The following SLC1A7 variants were observed in gnomAD, a reference collection of about 807,000 sequenced individuals.
SLC1A7 encodes solute carrier family 1 member 7.
SLC1A7 carries 40 observed loss-of-function variants against 47.7 expected under a neutral mutation model. The observed-to-expected ratio is 0.84, with a 90% confidence interval of 0.65 to 1.09. SLC1A7 has a LOEUF of 1.09. Ranked by LOEUF, SLC1A7 falls within the 50% of genes least tolerant of loss-of-function variation. SLC1A7 has a pLI of 0.00. For synonymous variants in SLC1A7, 323 were observed against 325.6 expected, an observed-to-expected ratio of 0.99 and a Z score of 0.09; for missense variants, 746 against 769.5, an observed-to-expected ratio of 0.97 and a Z score of 0.36.
intron 5 of SLC1A7, among the ~76,000 whole-genome samples, chr1:53,100,725 C>CA (rs1644565397): frequency 6.6e-6 from 1 of 151,474 alleles, no homozygotes; most frequent in Non-Finnish European, 1.5e-5. Context: ...CATACCACCT[C>CA]GGTACACTCA....
At chr1:53,103,257 A>C (rs1443727154) in intron 5 of SLC1A7, 89 bp downstream of exon 5, 6 of 927,542 alleles carry the variant, frequency 6.5e-6, no homozygotes, top group Non-Finnish European at 8.1e-6. Flanking sequence ...CATTCTCCCC[A>C]GACCTCAGTA....
chr1:53,123,343 G>A (rs1208801011), intron 2 of SLC1A7, among the ~76,000 whole-genome samples: 1 of 152,224 alleles, frequency 6.6e-6, no homozygotes, highest in African/African-American at 2.4e-5. Flanking sequence ...CTCAGGCGGG[G>A]CCATCCTGTG....
rs145447122 is a variant in SLC1A7 at position 53,121,285 on chromosome 1, C to T, written c.216-6312G>A. Among the ~76,000 whole-genome samples, 96 of 152,248 alleles carry T rather than the reference C, an allele frequency of 6.3e-4. 1 individual carries two copies. The East Asian group carries it at 9.3e-3, about 15-fold the overall frequency. ...AGACGTGAAAAGGACGACTTGTGTGCCCAGGTGACTGAGCAGCCATTGAAG... is the reference window on the plus strand; with the variant it reads ...AGACGTGAAAAGGACGACTTGTGTGTCCAGGTGACTGAGCAGCCATTGAAG... On this transcript the variant is annotated intron_variant, in intron 2 of 10. Transcript: ENST00000371494.
At chr1:53,092,826 G>T in intron 6 of SLC1A7, 39 bp from the exon 7 acceptor site, 1 of 1,354,584 alleles carries the variant, frequency 7.4e-7, no homozygotes, top group South Asian at 1.2e-5. Flanking sequence ...GAACCAGGCA[G>T]GCAGACACAC....
chr1:53,115,701 C>T (rs1440877300), intron 2 of SLC1A7: 1 of 152,458 alleles, frequency 6.6e-6, no homozygotes, highest in Non-Finnish European at 1.5e-5. Flanking sequence ...GGATCTCCAT[C>T]TGTAAAATGG....
chr1:53,127,698 A>G (rs1644898094), intron 2 of SLC1A7, among the ~76,000 whole-genome samples: 1 of 152,196 alleles, frequency 6.6e-6, no homozygotes, highest in Non-Finnish European at 1.5e-5. Context: ...TTGATGACCT[A>G]CAGTGCTATG....
intron 3 of SLC1A7, 151 bp from the exon 4 acceptor site, chr1:53,105,925 C>A: frequency 1.5e-6 from 1 of 686,870 alleles, no homozygotes; most frequent in Non-Finnish European, 2.6e-6. Context: ...ACATCATGGA[C>A]ACTCCACAGC....
chr1:53,122,325 A>G lies in SLC1A7; in HGVS notation c.216-7352T>C, dbSNP rs1033578619. On this transcript the variant is annotated intron_variant, in intron 2 of 10. Coordinates refer to ENST00000371494, the MANE Select transcript of SLC1A7 (RefSeq NM_006671.6). ...TGAGGAGCCCCAAGCCCTGCAGCCA[A>G]GTCCTTGGGCTCTGGCCTTGGCTGA... is the stretch of plus-strand genomic sequence containing the variant. 1.1e-4 allele frequency among the ~76,000 whole-genome samples: 16 copies of G among 152,292 alleles called. No homozygotes were observed. In the East Asian group the frequency reaches 2.9e-3, roughly 28 times the overall value.
At chr1:53,140,466 T>TA (rs5774137) in intron 1 of SLC1A7, among the ~76,000 whole-genome samples, 33,500 of 147,002 alleles carry the variant, frequency 0.23, 4,147 homozygotes, top group South Asian at 0.49. Context: ...ACGTTTTGGT[T>TA]AAAAAAAAAA....
chr1:53,101,262 C>CTG (rs1644575234), intron 5 of SLC1A7, among the ~76,000 whole-genome samples: 1 of 148,256 alleles, frequency 6.7e-6, no homozygotes, highest in African/African-American at 2.5e-5. Context: ...CACTCACACA[C>CTG]CCCACCTCGG....
At chr1:53,124,002 C>T (rs3753597) in intron 2 of SLC1A7, among the ~76,000 whole-genome samples, 30,422 of 152,080 alleles carry the variant, frequency 0.2, 3,685 homozygotes, top group South Asian at 0.42. Flanking sequence ...CTGCTCACGG[C>T]CTGTCCTGGG....
At chr1:53,135,149 C>T (rs980213374) in intron 1 of SLC1A7, among the ~76,000 whole-genome samples, 2 of 152,168 alleles carry the variant, frequency 1.3e-5, no homozygotes, top group African/African-American at 2.4e-5. Context: ...ATCTGCACCA[C>T]GCATCTGCCT....
intron 5 of SLC1A7, 56 bp from the exon 6 acceptor site, chr1:53,093,616 A>G: frequency 1.5e-6 from 2 of 1,376,680 alleles, no homozygotes; most frequent in Non-Finnish European, 2.0e-6. Flanking sequence ...ACAGGCCCAC[A>G]TGGGTCTCAG....
At chr1:53,105,020 A>G (rs1172249261) in intron 4 of SLC1A7, among the ~76,000 whole-genome samples, 1 of 152,250 alleles carries the variant, frequency 6.6e-6, no homozygotes, top group African/African-American at 2.4e-5. Flanking sequence ...TGTACTTTTA[A>G]GAAATATTTC....
chr1:53,136,566 T>TATATAA (rs1644998000), intron 1 of SLC1A7, among the ~76,000 whole-genome samples: 1 of 113,602 alleles, frequency 8.8e-6, no homozygotes, highest in Non-Finnish European at 1.9e-5. Flanking sequence ...AACATATATA[T>TATATAA]AAACATATAT....
chr1:53,089,745 G>A (rs1644398658), intron 9 of SLC1A7, 55 bp downstream of exon 9: 2 of 1,593,506 alleles, frequency 1.3e-6, no homozygotes, highest in Non-Finnish European at 1.7e-6. Context: ...GATCCCTGCT[G>A]ACCCTGAAGT....
chr1:53,114,433 G>A (rs2150332674), intron 3 of SLC1A7: 1 of 355,102 alleles, frequency 2.8e-6, no homozygotes, highest in Non-Finnish European at 5.2e-6. Flanking sequence ...TCTGTAAAAA[G>A]AGGACCAATA....
intron 6 of SLC1A7, 53 bp from the exon 7 acceptor site, chr1:53,092,840 G>GGCCCCA: frequency 8.3e-7 from 1 of 1,205,790 alleles, no homozygotes; most frequent in East Asian, 2.3e-5. Flanking sequence ...GACACACCCC[G>GGCCCCA]GCCCCAGCCC....
chr1:53,124,797 T>C lies in SLC1A7; in HGVS notation c.215+9553A>G, dbSNP rs114317778. On this transcript the variant is annotated intron_variant, in intron 2 of 10. Transcript: ENST00000371494. ...AGGCAGGGCAGCTCCCTCAAGAGTC[T>C]AGCAGCCTCCCAAGTGCCTTGTGAC... Among the ~76,000 whole-genome samples the C allele has an allele frequency of 1.9e-3, 282 of 152,324 alleles. 1 individual carries two copies. The highest frequency in any genetic ancestry group is 6.5e-3 in the African/African-American group (271 of 41,576).
Sources: allele counts gnomAD v4.1 joint callset (sites outside exome capture counted in the v4.1 genomes callset), GRCh38; gene constraint gnomAD v4.1.1; transcripts MANE v1.5; gene names NCBI Gene and HGNC (gene_info 2026-07-23, HGNC 2026-07-21).